The following ARHGEF19 variants were observed in gnomAD, a reference collection of about 807,000 sequenced individuals.
ARHGEF19 encodes the protein Rho guanine nucleotide exchange factor 19.
In ARHGEF19, 92 loss-of-function variants were observed where a neutral mutation model predicts 87.6. The ratio of observed to expected loss-of-function variants is 1.05; its 90% confidence interval spans 0.89 to 1.25. The LOEUF is 1.25. ARHGEF19 is among the 50% of genes most tolerant of loss of function. ARHGEF19 has a pLI of 0.00. For synonymous variants in ARHGEF19, 438 were observed against 446.2 expected, an observed-to-expected ratio of 0.98 and a Z score of 0.23; for missense variants, 1,054 against 1,051.8, an observed-to-expected ratio of 1.00 and a Z score of -0.03.
At chr1:16,202,374 G>A (rs372634177) in intron 13 of ARHGEF19, 42 bp downstream of exon 13, 6 of 1,557,348 alleles carry the variant, frequency 3.9e-6, no homozygotes, top group Admixed American at 1.9e-5. Flanking sequence ...GCCTGTCATG[G>A]GGAGGGGGAG....
At chr1:16,203,492 C>T (rs1481677466) in intron 12 of ARHGEF19, among the ~76,000 whole-genome samples, 6 of 152,132 alleles carry the variant, frequency 3.9e-5, no homozygotes, top group Non-Finnish European at 8.8e-5. Context: ...TGGCCTCTCC[C>T]CTTCCAGTTC....
At position 16,198,061 on chromosome 1, in the gene ARHGEF19, T is replaced by C. The variant is rs2081055808; in HGVS notation, c.*526A>G. The C allele has an allele frequency of 6.6e-6, 1 of 152,116 alleles. No individual in the cohort carries two copies. 9.4% of individuals were successfully genotyped at this position (152,116 alleles called of 1,614,324 possible). ...TGGTCTTTAGCTGGGAAAATAGGAC[T>C]GTGGGGGTGGGGGCAGCATCAGATG... On this transcript the variant is annotated 3_prime_UTR_variant, in exon 16 of 16. Transcript: ENST00000270747. This position sits in a 1 kb window ranked among gnomAD's most constrained non-coding sequence, Gnocchi z 4.1.
rs1472201266 is a variant in ARHGEF19, at chr1:16,207,210, G to A, written c.875C>T (p.Ser292Phe). ...ERRQSRFLLN[S>F]VLYQEYSDVA... is the part of the protein sequence containing the mutation. ...GTCGCTGTATTCCTGATAGAGGACG[G>A]CTGGGGGAAAGACGGGCGGGGGAGA... Residue 292 changes from serine (S) to phenylalanine (F), a missense_variant and splice_region_variant, in exon 6 of 16, where the codon TCC becomes TTC. Physicochemically the swap from Ser to Phe is radical, Grantham distance 155. Coordinates refer to ENST00000270747, the MANE Select transcript of ARHGEF19 (RefSeq NM_153213.5). This position sits in a 1 kb window ranked among gnomAD's most constrained non-coding sequence, Gnocchi z 4.0. 1 of 1,515,760 alleles carries A rather than the reference G, an allele frequency of 6.6e-7. No homozygotes were observed. Among genetic ancestry groups the A allele is most frequent in the Non-Finnish European group, 8.8e-7 (1 of 1,137,348 alleles). 93.9% of individuals were successfully genotyped at this position (1,515,760 alleles called of 1,614,324 possible).
rs755575268 is a variant in ARHGEF19 at position 16,207,825 on chromosome 1, GGGCCTGGGCCCC to G, written c.695-60_695-49del. The stretch of plus-strand genomic sequence containing the variant: ...GTGGGGGGTCCAGAGAGTGGGCCTG[GGGCCTGGGCCCC>G]GGCCCAGGCACCCTGACGGCCTCAG... On this transcript the variant is annotated intron_variant, in intron 3 of 15. Transcript: ENST00000270747. The surrounding 1 kb of genome is among the most constrained non-coding windows in gnomAD (Gnocchi z 4.0). The G allele has an allele frequency of 1.7e-4, 277 of 1,599,602 alleles. No homozygotes were observed. Among genetic ancestry groups the G allele is most frequent in the South Asian group, 6.2e-4 (56 of 90,364 alleles).
At position 16,207,579 on chromosome 1, in the gene ARHGEF19, G is replaced by C. The variant is rs143178874; in HGVS notation, c.817C>G (p.Pro273Ala). 6.2e-7 allele frequency: 1 copy of C among 1,613,862 alleles called. No homozygotes were observed. The highest frequency in any genetic ancestry group is 1.3e-5 in the African/African-American group (1 of 75,034). The change falls in exon 5 of 16, where the codon CCG (proline) becomes GCG (alanine). Residue 273 changes from proline to alanine, a missense_variant. By Grantham distance (27) the Pro-to-Ala change is conservative (BLOSUM62 -1). Transcript: ENST00000270747. The surrounding 1 kb of genome is among the most constrained non-coding windows in gnomAD (Gnocchi z 4.0). ...TTGGTGCTCCTGGACCCCAAAGGCG[G>C]CTCTTCCTGTGTGTCTAGCCTAGGA... is the stretch of plus-strand genomic sequence containing the variant. ...SEPRLDTQEEPPLGSRSTNER... is the reference protein window; with the variant it reads ...SEPRLDTQEEAPLGSRSTNER...
rs766440109 is a variant in ARHGEF19 at position 16,207,899 on chromosome 1, AC to A, written c.694+44del. 33 of 648,002 alleles carry A rather than the reference AC, an allele frequency of 5.1e-5. No homozygotes were observed. The Admixed American group carries it at 1.2e-3, about 24-fold the overall frequency. 40.1% of individuals were successfully genotyped at this position (648,002 alleles called of 1,614,324 possible). ...GTGGGCATCGCCCACCCCCACCCCCACCCGGCATCTGGCTGCCCTCAGGGCC... is the reference window on the plus strand; with the variant it reads ...GTGGGCATCGCCCACCCCCACCCCCACCGGCATCTGGCTGCCCTCAGGGCC... On this transcript the variant is annotated intron_variant, in intron 3 of 15. Coordinates refer to ENST00000270747, the MANE Select transcript of ARHGEF19 (RefSeq NM_153213.5). This position sits in a 1 kb window ranked among gnomAD's most constrained non-coding sequence, Gnocchi z 4.0.
At chr1:16,209,388 G>C (rs537096246) in intron 1 of ARHGEF19, among the ~76,000 whole-genome samples, 67 of 152,270 alleles carry the variant, frequency 4.4e-4, no homozygotes, top group Non-Finnish European at 8.8e-4. Flanking sequence ...GTAAATGGTG[G>C]AGCCAGGATT....
Position 16,206,800 on chromosome 1 carries a change from G to A in ARHGEF19, c.1137+148C>T, listed in dbSNP as rs2081140942. On this transcript the variant is annotated intron_variant, in intron 6 of 15. Coordinates refer to ENST00000270747, the MANE Select transcript of ARHGEF19 (RefSeq NM_153213.5). This position sits in a 1 kb window ranked among gnomAD's most constrained non-coding sequence, Gnocchi z 4.6. The stretch of plus-strand genomic sequence containing the variant: ...GCTTCCAGACGGCCTCGTGTAGTCA[G>A]GTCCTAGAGCCAACCTTCCGCGCGG... 1 of 1,058,002 alleles carries A rather than the reference G, an allele frequency of 9.5e-7. No homozygotes were observed. Among genetic ancestry groups the A allele is most frequent in the Non-Finnish European group, 1.3e-6 (1 of 780,464 alleles). The allele number at this position is 1,058,002 out of a possible 1,614,324, so 65.5% of individuals were successfully genotyped here.
intron 2 of ARHGEF19, 46 bp from the exon 3 acceptor site, chr1:16,208,271 C>A (rs776481867): frequency 2.0e-5 from 32 of 1,581,926 alleles, no homozygotes; most frequent in Non-Finnish European, 2.4e-5. Flanking sequence ...GGGTCTCCCC[C>A]AACCTCCTCC....
Position 16,202,946 on chromosome 1 carries a change from G to A in ARHGEF19, c.1908-372C>T, listed in dbSNP as rs145743653. ...GGCTGGAGTGCAGTGGCATGATCTC[G>A]GCTCACCACAACCTCCGCCTTCCAG... On this transcript the variant is annotated intron_variant, in intron 12 of 15. Transcript: ENST00000270747. 8.6e-3 allele frequency among the ~76,000 whole-genome samples: 1,313 copies of A among 151,856 alleles called. 11 individuals are homozygous for A. The highest frequency in any genetic ancestry group is 0.028 in the African/African-American group (1,179 of 41,390).
Position 16,201,781 on chromosome 1 carries a change from C to T in ARHGEF19, c.2146+1G>A, listed in dbSNP as rs2100265029. 1.2e-6 allele frequency: 2 copies of T among 1,613,496 alleles called. No individual in the cohort carries two copies. Among genetic ancestry groups the T allele is most frequent in the Non-Finnish European group, 1.7e-6 (2 of 1,179,660 alleles). ...TGTAAGCAGCAGGGATGAGCTACTACCTTCCCCCTCACTGATGACCTCCTT... is the reference window on the plus strand; with the variant it reads ...TGTAAGCAGCAGGGATGAGCTACTATCTTCCCCCTCACTGATGACCTCCTT... On this transcript the variant is annotated splice_donor_variant, in intron 14 of 15. Transcript: ENST00000270747. LOFTEE classifies it high-confidence loss of function.
In ARHGEF19 at chr1:16,202,570, C is replaced by G. The variant is rs2081092555; in HGVS notation, c.1912G>C (p.Gly638Arg). The change falls in exon 13 of 16, where the codon GGG (glycine) becomes CGG (arginine). Residue 638 changes from glycine (G) to arginine (R), a missense_variant. By Grantham distance (125) the Gly-to-Arg change is moderately radical (BLOSUM62 -2). Coordinates refer to ENST00000270747, the MANE Select transcript of ARHGEF19 (RefSeq NM_153213.5). Reference protein sequence around the residue: ...CLLLSRRKELGKFAVFVHAKM... With the variant: ...CLLLSRRKELRKFAVFVHAKM... ...GCATGGACGAAAACGGCAAACTTCC[C>G]TAGCCTGGAGGACCGGGGGAGGGGA... 1 of 1,612,700 alleles carries G rather than the reference C, an allele frequency of 6.2e-7. No homozygotes were observed. The highest frequency in any genetic ancestry group is 8.5e-7 in the Non-Finnish European group (1 of 1,178,918).
intron 14 of ARHGEF19, among the ~76,000 whole-genome samples, chr1:16,201,300 C>A (rs889586541): frequency 1.8e-4 from 28 of 152,228 alleles, no homozygotes; most frequent in Admixed American, 1.6e-3. Flanking sequence ...CGCACCCTGG[C>A]TTACCAGCCT....
intron 13 of ARHGEF19, 68 bp downstream of exon 13, chr1:16,202,333 GGGGACGGGGTGCCCA>G: frequency 7.4e-6 from 6 of 810,228 alleles, no homozygotes; most frequent in Admixed American, 6.2e-5. Flanking sequence ...TGCCCGCCAT[GGGGACGGGGTGCCCA>G]TCATGGGGAC....
rs1212756165 is a variant in ARHGEF19, at chr1:16,208,083, TCGGGTGGACC to T, written c.545_554del (p.Gly182GlufsTer2). On this transcript the variant is annotated frameshift_variant, in exon 3 of 16. Coordinates refer to ENST00000270747, the MANE Select transcript of ARHGEF19 (RefSeq NM_153213.5). LOFTEE classifies it high-confidence loss of function. ...TCCGCTCAGGACCTTCGAGGCTCAC[TCGGGTGGACC>T]CAGACAACTCCACCCTGGGCTCCTC... The T allele has an allele frequency of 1.9e-6, 3 of 1,613,868 alleles. No individual in the cohort carries two copies. Among genetic ancestry groups the T allele is most frequent in the Admixed American group, 1.7e-5 (1 of 60,016 alleles).
intron 1 of ARHGEF19, among the ~76,000 whole-genome samples, chr1:16,210,335 T>C (rs1308428224): frequency 1.3e-5 from 2 of 152,062 alleles, no homozygotes; most frequent in African/African-American, 2.4e-5. Flanking sequence ...CTGGCCTCGC[T>C]GTGGGCAGGC....
intron 12 of ARHGEF19, 21 bp downstream of exon 12, chr1:16,204,737 AC>A: frequency 6.4e-7 from 1 of 1,551,658 alleles, no homozygotes; most frequent in Non-Finnish European, 8.7e-7. Context: ...TTACCTACCC[AC>A]CCCTGACTGC....
rs1333795263 is a variant in ARHGEF19 at position 16,206,410 on chromosome 1, C to G, written c.1138-70G>C. 1 of 1,518,124 alleles carries G rather than the reference C, an allele frequency of 6.6e-7. No homozygotes were observed. Among genetic ancestry groups the G allele is most frequent in the Non-Finnish European group, 9.0e-7 (1 of 1,116,880 alleles). 94.0% of individuals were successfully genotyped at this position (1,518,124 alleles called of 1,614,324 possible). A position where few individuals can be genotyped will look rare whatever the true frequency, so the allele number is the denominator to read the frequency against. On this transcript the variant is annotated intron_variant, in intron 6 of 15. Coordinates refer to ENST00000270747, the MANE Select transcript of ARHGEF19 (RefSeq NM_153213.5). The surrounding 1 kb of genome is among the most constrained non-coding windows in gnomAD (Gnocchi z 4.6). ...CCTCGGAGGCCCTGGCCTCACATCC[C>G]CAGACCCCAGGACGCCACACCTCGC... is the stretch of plus-strand genomic sequence containing the variant.
In ARHGEF19 at chr1:16,207,044, C is replaced by T; in HGVS notation, c.1041G>A (p.Ala347=). ...GCCACAGCGAGAAGGTGGAGCCTCGCGCCGAGCGCTGCGCCCGGAAGGAGC... is the reference window on the plus strand; with the variant it reads ...GCCACAGCGAGAAGGTGGAGCCTCGTGCCGAGCGCTGCGCCCGGAAGGAGC... The part of the protein sequence containing the change: ...PSSSFRAQRS[A]RGSTFSLWQD... The change falls in exon 6 of 16, where the codon GCG becomes GCA. Residue 347 remains alanine, a synonymous_variant. Coordinates refer to ENST00000270747, the MANE Select transcript of ARHGEF19 (RefSeq NM_153213.5). This position sits in a 1 kb window ranked among gnomAD's most constrained non-coding sequence, Gnocchi z 4.0. 4.0e-6 allele frequency: 6 copies of T among 1,509,286 alleles called. No individual in the cohort carries two copies. The highest frequency in any genetic ancestry group is 5.3e-6 in the Non-Finnish European group (6 of 1,131,696). 93.5% of individuals were successfully genotyped at this position (1,509,286 alleles called of 1,614,324 possible).
Sources: gnomAD v4.1 joint callset for allele counts (sites outside exome capture counted in the v4.1 genomes callset) on GRCh38, gnomAD v4.1.1 for gene constraint, Gnocchi (gnomAD v3.1) non-coding constraint, MANE v1.5 for transcripts, NCBI Gene and HGNC (gene_info 2026-07-23, HGNC 2026-07-21) for gene names.